RGPD4: variants seen among roughly 807,000 people sequenced by gnomAD.
The protein encoded by RGPD4 is RANBP2 like and GRIP domain containing 4.
In RGPD4, 84 loss-of-function variants were observed where a neutral mutation model predicts 141.1. The observed-to-expected ratio is 0.60, with a 90% CI of 0.50 to 0.71. The LOEUF is 0.71. Among genes scored for constraint, RGPD4 ranks in the 30% least tolerant of loss-of-function variants. The pLI is 0.00. For missense variants in RGPD4, 918 were observed against 1,622.4 expected (o/e 0.57, Z 7.46); for synonymous variants, 298 against 566.8 (o/e 0.53, Z 6.74).
chr2:107,854,387 T>A (rs557047177), intron 7 of RGPD4, among the ~76,000 whole-genome samples, 169 bp from the exon 8 acceptor site: 1 of 152,070 alleles, frequency 6.6e-6, no homozygotes, highest in East Asian at 1.9e-4. Flanking sequence ...CTTTCATAGG[T>A]TATATAAATT....
intron 9 of RGPD4, among the ~76,000 whole-genome samples, chr2:107,857,903 C>T (rs192659639): frequency 5.9e-5 from 9 of 152,078 alleles, no homozygotes; most frequent in East Asian, 5.8e-4. Context: ...GCAGGAGAAT[C>T]GCTTCAACCT....
intron 20 of RGPD4, among the ~76,000 whole-genome samples, chr2:107,878,455 C>T (rs189744367): frequency 0.043 from 6,552 of 151,264 alleles, 212 homozygotes; most frequent in Middle Eastern, 0.096. Context: ...GTCTTTAGAG[C>T]AGCTGCTTAA....
At position 107,892,218 on chromosome 2, in the gene RGPD4, G is replaced by A. The variant is rs1675672635; in HGVS notation, c.*1487G>A. Among the ~76,000 whole-genome samples the A allele has an allele frequency of 3.8e-5, 2 of 52,830 alleles. 1 individual carries two copies. Among genetic ancestry groups the A allele is most frequent in the South Asian group, 1.6e-3 (2 of 1,266 alleles). The allele number at this position is 52,830 out of a possible 152,430, so 34.7% of individuals were successfully genotyped here. A position where few individuals can be genotyped will look rare whatever the true frequency, so the allele number is the denominator to read the frequency against. On this transcript the variant is annotated 3_prime_UTR_variant, in exon 23 of 23. Transcript: ENST00000408999. ...CTCCTTAGAAGAACAGACCTAACTAGCGAATGTATGAATGAAAATGCATCT... is the reference window on the plus strand; with the variant it reads ...CTCCTTAGAAGAACAGACCTAACTAACGAATGTATGAATGAAAATGCATCT...
intron 6 of RGPD4, among the ~76,000 whole-genome samples, chr2:107,844,843 T>G (rs1179586567): frequency 3.9e-5 from 4 of 101,614 alleles, no homozygotes; most frequent in Admixed American, 1.9e-4. Flanking sequence ...TTTTTTTTTT[T>G]TTTTTTTTTT....
chr2:107,886,054 CAAAA>C (rs199917332), intron 22 of RGPD4, among the ~76,000 whole-genome samples: 3 of 126,978 alleles, frequency 2.4e-5, no homozygotes, highest in Non-Finnish European at 3.3e-5. Flanking sequence ...ACTCTTATCT[CAAAA>C]AAAAAAAAAA....
intron 1 of RGPD4, among the ~76,000 whole-genome samples, chr2:107,828,655 T>G (rs1681335194): frequency 1.4e-5 from 1 of 69,262 alleles, no homozygotes; most frequent in East Asian, 4.5e-4. Context: ...TCAGGCATCA[T>G]GGCTCCCGAC....
At chr2:107,884,455 C>A (rs1675456250) in intron 22 of RGPD4, among the ~76,000 whole-genome samples, 1 of 149,516 alleles carries the variant, frequency 6.7e-6, no homozygotes, top group African/African-American at 2.5e-5. Context: ...TTTTAATGTG[C>A]CACTTATTAA....
chr2:107,879,990 A>G lies in RGPD4; in HGVS notation c.4947A>G (p.Glu1649=). The G allele has an allele frequency of 6.2e-7, 1 of 1,611,374 alleles. No individual in the cohort carries two copies. Reference sequence around the variant, plus strand: ...CAGAGCCTCCATTATGGCATGCTGAATTTACCAAAGAAGAATTGGTTCAGA... The same window carrying G: ...CAGAGCCTCCATTATGGCATGCTGAGTTTACCAAAGAAGAATTGGTTCAGA... The part of the protein sequence containing the change: ...PEKEPPLWHA[E]FTKEELVQKL... The change falls in exon 21 of 23, where the codon GAA becomes GAG. Residue 1649 remains glutamate (E), a synonymous_variant. Transcript: ENST00000408999.
At chr2:107,834,807 G>T in intron 1 of RGPD4, among the ~76,000 whole-genome samples, 1 of 107,452 alleles carries the variant, frequency 9.3e-6, no homozygotes, top group African/African-American at 3.8e-5. Context: ...GAAAGAAAAA[G>T]AAATTTGTGC....
rs972917350 is a variant in RGPD4, at chr2:107,826,907, C to A, written c.-107C>A. 16 of 1,543,950 alleles carry A rather than the reference C, an allele frequency of 1.0e-5. No homozygotes were observed. The highest frequency in any genetic ancestry group is 1.2e-5 in the Non-Finnish European group (14 of 1,143,928). On this transcript the variant is annotated 5_prime_UTR_variant, in exon 1 of 23. Transcript: ENST00000408999. ...CAAGTTCGTCACAGTGGTCCTCCGCCGGCTACGCGGAGTCAGTGGCTTTCA... is the reference window on the plus strand; with the variant it reads ...CAAGTTCGTCACAGTGGTCCTCCGCAGGCTACGCGGAGTCAGTGGCTTTCA...
At chr2:107,859,902 T>C in intron 12 of RGPD4, 57 bp downstream of exon 12, 2 of 1,537,672 alleles carry the variant, frequency 1.3e-6, no homozygotes, top group Non-Finnish European at 1.7e-6. Context: ...TTTAAAATCA[T>C]GAACTTTTTA....
intron 21 of RGPD4, among the ~76,000 whole-genome samples, chr2:107,880,657 C>T (rs1675335713): frequency 1.3e-5 from 2 of 149,674 alleles, no homozygotes; most frequent in Admixed American, 1.3e-4. Flanking sequence ...GAGAGATGTT[C>T]ACAAATCATT....
At chr2:107,854,840 T>C (rs949753715) in intron 8 of RGPD4, among the ~76,000 whole-genome samples, 197 bp downstream of exon 8, 1 of 151,424 alleles carries the variant, frequency 6.6e-6, no homozygotes, top group East Asian at 1.9e-4. Flanking sequence ...ATATTTGATA[T>C]TGTTTGTTCC....
intron 22 of RGPD4, among the ~76,000 whole-genome samples, chr2:107,888,334 T>G (rs1419327400): frequency 6.7e-6 from 1 of 148,814 alleles, no homozygotes; most frequent in Non-Finnish European, 1.5e-5. Flanking sequence ...AAAAATCTTA[T>G]ATTCAGCTTA....
intron 1 of RGPD4, among the ~76,000 whole-genome samples, chr2:107,829,669 G>T (rs947172708): frequency 6.6e-6 from 1 of 152,122 alleles, no homozygotes; most frequent in Non-Finnish European, 1.5e-5. Flanking sequence ...ACTTGCGAGC[G>T]CAGGAAGAGT....
intron 6 of RGPD4, among the ~76,000 whole-genome samples, chr2:107,844,838 T>TTTG (rs1558795054): frequency 3.2e-5 from 3 of 93,680 alleles, no homozygotes; most frequent in African/African-American, 1.3e-4. Context: ...TTGTTTTTTT[T>TTTG]TTTTTTTTTT....
At position 107,871,031 on chromosome 2, in the gene RGPD4, T is replaced by A; in HGVS notation, c.3027T>A (p.Gly1009=). 6.2e-7 allele frequency: 1 copy of A among 1,611,024 alleles called. No homozygotes were observed. The highest frequency in any genetic ancestry group is 1.1e-5 in the South Asian group (1 of 90,950). The part of the protein sequence containing the change: ...AGEKLFSSQC[G]KMANKANTSG... ...AAAAATTATTCTCATCACAATGCGG[T>A]AAAATGGCCAATAAAGCAAACACTT... The change falls in exon 20 of 23, where the codon GGT becomes GGA. Residue 1009 remains glycine (G), a synonymous_variant. Transcript: ENST00000408999.
chr2:107,857,404 G>T (rs1305459709), intron 9 of RGPD4, among the ~76,000 whole-genome samples: 1 of 149,764 alleles, frequency 6.7e-6, no homozygotes, highest in Non-Finnish European at 1.5e-5. Flanking sequence ...CTCCCAAAGT[G>T]CTGGGATTAC....
chr2:107,833,435 G>T (rs779297795), intron 1 of RGPD4, among the ~76,000 whole-genome samples: 229 of 151,048 alleles, frequency 1.5e-3, no homozygotes, highest in Non-Finnish European at 3.0e-3. Flanking sequence ...TCAGGTATTT[G>T]CTTATAGTGA....
Sources: allele counts gnomAD v4.1 joint callset (sites outside exome capture counted in the v4.1 genomes callset), GRCh38; gene constraint gnomAD v4.1.1; transcripts MANE v1.5; gene names NCBI Gene and HGNC (gene_info 2026-07-23, HGNC 2026-07-21).